Variants in KSR2 observed in about 807,000 individuals in gnomAD.
KSR2 encodes kinase suppressor of ras 2.
Under a neutral mutation model 107.8 loss-of-function variants are expected in KSR2, and 25 were observed. The observed-to-expected ratio is 0.23, with a 90% CI of 0.17 to 0.32. KSR2 has a LOEUF of 0.32. Ranked by LOEUF, KSR2 falls within the 10% of genes least tolerant of loss-of-function variation. KSR2 has a pLI of 1.00. For missense variants in KSR2, 887 were observed against 1,268.9 expected (o/e 0.70, Z 4.57); for synonymous variants, 480 against 507.0 (o/e 0.95, Z 0.71).
intron 14 of KSR2, among the ~76,000 whole-genome samples, chr12:117,507,299 G>A (rs1363033402): frequency 6.6e-6 from 1 of 152,130 alleles, no homozygotes; most frequent in South Asian, 2.1e-4. Context: ...AATCCAAGAG[G>A]CTTTCCTGAA....
At chr12:117,631,169 C>T (rs1334739324) in intron 5 of KSR2, among the ~76,000 whole-genome samples, 4 of 152,138 alleles carry the variant, frequency 2.6e-5, no homozygotes, top group African/African-American at 9.7e-5. Context: ...GGCATAGTGG[C>T]CTGTACCTGT....
chr12:117,968,314 G>C lies in KSR2; in HGVS notation c.-59C>G. On this transcript the variant is annotated 5_prime_UTR_variant, in exon 1 of 20. Transcript: ENST00000339824. Reference sequence around the variant, plus strand: ...CTCCCAGAGAGAAAAAAGAGGGGGGGGAGTAGAGGTAGTCTACCCTCCGCC... The same window carrying C: ...CTCCCAGAGAGAAAAAAGAGGGGGGCGAGTAGAGGTAGTCTACCCTCCGCC... The C allele has an allele frequency of 6.9e-7, 1 of 1,453,650 alleles. No individual in the cohort carries two copies. Among genetic ancestry groups the C allele is most frequent in the East Asian group, 2.5e-5 (1 of 39,916 alleles). The allele number at this position is 1,453,650 out of a possible 1,614,324, so 90.0% of individuals were successfully genotyped here. A position where few individuals can be genotyped will look rare whatever the true frequency, so the allele number is the denominator to read the frequency against.
intron 16 of KSR2, among the ~76,000 whole-genome samples, chr12:117,479,787 A>G (rs974691581): frequency 2.6e-5 from 4 of 152,242 alleles, no homozygotes; most frequent in African/African-American, 9.6e-5. Context: ...CACTTGAGTC[A>G]GCAGAGTTAA....
At chr12:117,957,310 G>A (rs960590126) in intron 1 of KSR2, among the ~76,000 whole-genome samples, 6 of 152,136 alleles carry the variant, frequency 3.9e-5, no homozygotes, top group Non-Finnish European at 7.4e-5. Flanking sequence ...CAACAACCAC[G>A]GTTGTGGTCA....
intron 7 of KSR2, among the ~76,000 whole-genome samples, chr12:117,573,089 G>A (rs908377301): frequency 2.0e-5 from 3 of 152,068 alleles, no homozygotes; most frequent in African/African-American, 4.8e-5. Flanking sequence ...AATTGCTTTC[G>A]GAGTCTTAAT....
chr12:117,709,497 T>C (rs901867113), intron 4 of KSR2, among the ~76,000 whole-genome samples: 4 of 152,142 alleles, frequency 2.6e-5, no homozygotes, highest in Admixed American at 6.5e-5. Context: ...CTTATTTTTT[T>C]ACTTTTTGCA....
At chr12:117,727,261 G>A (rs551192280) in intron 4 of KSR2, among the ~76,000 whole-genome samples, 1 of 151,866 alleles carries the variant, frequency 6.6e-6, no homozygotes, top group African/African-American at 2.4e-5. Flanking sequence ...TGTAGTCCCA[G>A]ATACTCAGAA....
intron 5 of KSR2, among the ~76,000 whole-genome samples, chr12:117,585,173 C>T (rs1879916253): frequency 6.6e-6 from 1 of 152,002 alleles, no homozygotes; most frequent in Admixed American, 6.6e-5. Context: ...TTAAACATCC[C>T]AAAATGTCAA....
chr12:117,716,568 T>G (rs1886988675), intron 4 of KSR2, among the ~76,000 whole-genome samples: 1 of 152,254 alleles, frequency 6.6e-6, no homozygotes, highest in Admixed American at 6.5e-5. Flanking sequence ...AAAACCAACT[T>G]CAACTGTTTC....
rs531796410 is a variant in KSR2, at chr12:117,615,148, C to T, written c.1172-32789G>A. ...TTTGTAAGATGGTAGAGGTGAGCAC[C>T]CACTCTCTTCTCCTGGTAAGACACA... On this transcript the variant is annotated intron_variant, in intron 5 of 19. Transcript: ENST00000339824. 4.0e-4 allele frequency among the ~76,000 whole-genome samples: 60 copies of T among 151,356 alleles called. 3 individuals carry two copies. The highest frequency in any genetic ancestry group is 3.4e-3 in the Middle Eastern group (1 of 294).
chr12:117,896,563 G>A (rs1025585295), intron 1 of KSR2, among the ~76,000 whole-genome samples: 19 of 151,570 alleles, frequency 1.3e-4, no homozygotes, highest in African/African-American at 4.4e-4. Flanking sequence ...GGGTTGAAGC[G>A]ATTCTCCTGC....
At chr12:117,499,624 CT>C (rs748294662) in intron 14 of KSR2, among the ~76,000 whole-genome samples, 10 of 152,224 alleles carry the variant, frequency 6.6e-5, no homozygotes, top group African/African-American at 2.2e-4. Flanking sequence ...CTCCTTCTGT[CT>C]TTTGCACAGG....
chr12:117,708,049 C>A (rs181225337), intron 4 of KSR2, among the ~76,000 whole-genome samples: 95 of 152,342 alleles, frequency 6.2e-4, no homozygotes, highest in African/African-American at 2.3e-3. Flanking sequence ...GCCTTTAATT[C>A]TCCTATTTGT....
rs542615280 is a variant in KSR2 at position 117,480,114 on chromosome 12, T to C, written c.2451-3519A>G. Among the ~76,000 whole-genome samples the C allele has an allele frequency of 9.9e-5, 15 of 150,912 alleles. No homozygotes were observed. The South Asian group carries it at 3.2e-3, about 32-fold the overall frequency. ...GAGACTAGAGCCCACAGTAGGAATG[T>C]CTTCCATGAAAGTCTTTGGCATAGG... On this transcript the variant is annotated intron_variant, in intron 16 of 19. Transcript: ENST00000339824.
intron 4 of KSR2, among the ~76,000 whole-genome samples, chr12:117,669,557 T>G (rs942411015): frequency 7.0e-6 from 1 of 143,716 alleles, no homozygotes; most frequent in Non-Finnish European, 1.6e-5. Flanking sequence ...TTAAGTAAAA[T>G]ACATTGCTAA....
intron 4 of KSR2, among the ~76,000 whole-genome samples, chr12:117,694,100 G>C (rs566520718): frequency 6.6e-6 from 1 of 152,176 alleles, no homozygotes; most frequent in Non-Finnish European, 1.5e-5. Context: ...TGGCTAGTGC[G>C]AATGTGAAGT....
intron 4 of KSR2, among the ~76,000 whole-genome samples, chr12:117,728,301 T>C (rs887784856): frequency 1.3e-5 from 2 of 152,222 alleles, no homozygotes; most frequent in Admixed American, 6.5e-5. Flanking sequence ...ATAAGGGTCA[T>C]GTGACAAAAA....
At chr12:117,501,571 G>A (rs1873379707) in intron 14 of KSR2, among the ~76,000 whole-genome samples, 1 of 152,230 alleles carries the variant, frequency 6.6e-6, no homozygotes, top group South Asian at 2.1e-4. Context: ...GGGATACTGA[G>A]TCTGGTGGGC....
chr12:117,792,425 G>A (rs982615714), intron 3 of KSR2, among the ~76,000 whole-genome samples: 1 of 152,078 alleles, frequency 6.6e-6, no homozygotes, highest in African/African-American at 2.4e-5. Flanking sequence ...TGCAACACCT[G>A]GGCACGCTGG....
Sources: allele counts gnomAD v4.1 joint callset (sites outside exome capture counted in the v4.1 genomes callset), GRCh38; gene constraint gnomAD v4.1.1; transcripts MANE v1.5; gene names NCBI Gene and HGNC (gene_info 2026-07-23, HGNC 2026-07-21).